The following CDKL3 variants were observed in gnomAD, a reference collection of about 807,000 sequenced individuals.
The protein encoded by CDKL3 is cyclin dependent kinase like 3, also known as cyclin-dependent kinase-like 3.
A neutral mutation model predicts 69.3 loss-of-function variants in CDKL3; 65 were observed. That is an observed-to-expected ratio of 0.94 (90% CI 0.77 to 1.15). The LOEUF (loss-of-function observed/expected upper bound fraction) is 1.15. Among genes scored for constraint, CDKL3 ranks in the 50% most tolerant of loss-of-function variants. CDKL3 has a pLI of 0.00. For missense variants in CDKL3, 652 were observed against 689.2 expected (o/e 0.95, Z 0.61); for synonymous variants, 202 against 221.6 (o/e 0.91, Z 0.79).
At chr5:134,316,647 A>C (rs1321956784) in intron 6 of CDKL3, among the ~76,000 whole-genome samples, 1 of 152,164 alleles carries the variant, frequency 6.6e-6, no homozygotes, top group African/African-American at 2.4e-5. Flanking sequence ...GCGGGGGGAA[A>C]ATCGAAAATA....
upstream of CDKL3, chr5:134,367,195 A>G: frequency 1.0e-6 from 1 of 985,642 alleles, no homozygotes; most frequent in Non-Finnish European, 1.2e-6. Flanking sequence ...AGACCGGAAC[A>G]TGGGCAGGGT....
chr5:134,349,738 C>G lies in CDKL3; in HGVS notation c.539+511G>C, dbSNP rs78460800. On this transcript the variant is annotated intron_variant, in intron 4 of 12. Coordinates refer to ENST00000265334, the MANE Select transcript of CDKL3 (RefSeq NM_001113575.2). ...ATTCAGCCTGTGAGAGCTGAGTGAG[C>G]GTAGCAGTAGCAGTAGCCAGCAATG... Among the ~76,000 whole-genome samples, 541 of 152,212 alleles carry G rather than the reference C, an allele frequency of 3.6e-3. 3 individuals carry two copies. Among genetic ancestry groups the G allele is most frequent in the Non-Finnish European group, 5.3e-3 (363 of 68,012 alleles).
chr5:134,359,447 G>A (rs1191781016), intron 3 of CDKL3, among the ~76,000 whole-genome samples: 1 of 151,930 alleles, frequency 6.6e-6, no homozygotes, highest in African/African-American at 2.4e-5. Context: ...AAACCGCTCC[G>A]CCACTTTATA....
At chr5:134,318,561 C>T (rs1771821795) in intron 6 of CDKL3, among the ~76,000 whole-genome samples, 1 of 152,142 alleles carries the variant, frequency 6.6e-6, no homozygotes, top group Admixed American at 6.6e-5. Flanking sequence ...TTTTGGCTCA[C>T]TGCAACCTCA....
intron 1 of CDKL3, 43 bp downstream of exon 1, chr5:134,366,934 G>T (rs181748893): frequency 5.9e-4 from 580 of 991,198 alleles, no homozygotes; most frequent in Non-Finnish European, 6.5e-4. Context: ...AAAAAAGCCT[G>T]GTCTCGCCCG....
At chr5:134,371,468 C>G, upstream of CDKL3, 1 of 1,196,924 alleles carries the variant, frequency 8.4e-7, no homozygotes, top group Non-Finnish European at 1.2e-6. Context: ...GGTTGTTTGT[C>G]AGTCTCGGCG....
intron 8 of CDKL3, among the ~76,000 whole-genome samples, chr5:134,292,823 C>CA (rs1432521994): frequency 6.6e-6 from 1 of 151,786 alleles, no homozygotes; most frequent in East Asian, 1.9e-4. Context: ...AATTTTATGT[C>CA]AATACAACCA....
At position 134,301,411 on chromosome 5, in the gene CDKL3, T is replaced by C. The variant is rs373281593; in HGVS notation, c.1719+1179A>G. Among the ~76,000 whole-genome samples, 145 of 152,294 alleles carry C rather than the reference T, an allele frequency of 9.5e-4. 1 individual carries two copies. In the South Asian group the frequency reaches 0.029, roughly 30 times the overall value. On this transcript the variant is annotated intron_variant, in intron 12 of 12. Transcript: ENST00000265334. ...CCCTAAATGTCACAGTGAGAATACA[T>C]CTAATAGTGTCTGATAACCCTCTAT...
At position 134,350,656 on chromosome 5, in the gene CDKL3, G is replaced by T. The variant is rs112462848; in HGVS notation, c.361-229C>A. On this transcript the variant is annotated intron_variant, in intron 3 of 12. Coordinates refer to ENST00000265334, the MANE Select transcript of CDKL3 (RefSeq NM_001113575.2). The stretch of plus-strand genomic sequence containing the variant: ...AGAAAACAGACATAATACTAAAAAG[G>T]CAAATAACATTCCTGTAAGAAAAAC... Among the ~76,000 whole-genome samples, 1,393 of 151,468 alleles carry T rather than the reference G, an allele frequency of 9.2e-3. 11 individuals carry two copies. Among genetic ancestry groups the T allele is most frequent in the African/African-American group, 0.03 (1,237 of 41,302 alleles).
At chr5:134,296,126 T>C (rs968078737), downstream of CDKL3, among the ~76,000 whole-genome samples, 1 of 152,080 alleles carries the variant, frequency 6.6e-6, no homozygotes, top group Non-Finnish European at 1.5e-5. Context: ...ATCAATCTCC[T>C]GACCTCGTGA....
intron 4 of CDKL3, among the ~76,000 whole-genome samples, chr5:134,347,544 C>CAGGAT (rs1752215051): frequency 6.6e-6 from 1 of 151,744 alleles, no homozygotes; most frequent in African/African-American, 2.4e-5. Flanking sequence ...GAGCTCTATC[C>CAGGAT]ATTCAGTGGA....
At chr5:134,368,415 G>A (rs1307119960), upstream of CDKL3, among the ~76,000 whole-genome samples, 4 of 152,104 alleles carry the variant, frequency 2.6e-5, no homozygotes, top group Non-Finnish European at 5.9e-5. Flanking sequence ...TCAGGAGATC[G>A]AGACCATCCT....
chr5:134,328,565 T>C (rs1187398481), intron 4 of CDKL3, among the ~76,000 whole-genome samples: 1 of 151,966 alleles, frequency 6.6e-6, no homozygotes, highest in African/African-American at 2.4e-5. Flanking sequence ...AAAATATGTA[T>C]ACTAGGAATA....
chr5:134,338,559 G>C (rs1405635185), intron 4 of CDKL3, among the ~76,000 whole-genome samples: 2 of 151,762 alleles, frequency 1.3e-5, no homozygotes, highest in Non-Finnish European at 2.9e-5. Flanking sequence ...AGCCAGGCTT[G>C]GTGGCACACA....
At chr5:134,293,002 C>CTTTTTTTTTTTTTTTTT (rs558156596) in intron 8 of CDKL3, among the ~76,000 whole-genome samples, 1 of 43,896 alleles carries the variant, frequency 2.3e-5, no homozygotes, top group Non-Finnish European at 4.4e-5. Context: ...CTGCCAATTT[C>CTTTTTTTTTTTTTTTTT]TTTTTTTTTT....
chr5:134,318,536 A>T (rs1161342031), intron 6 of CDKL3, among the ~76,000 whole-genome samples: 1 of 152,092 alleles, frequency 6.6e-6, no homozygotes, highest in East Asian at 1.9e-4. Context: ...CCCACGCTGG[A>T]GTACAATGGC....
At chr5:134,359,509 C>CT (rs896435823) in intron 3 of CDKL3, among the ~76,000 whole-genome samples, 4 of 151,146 alleles carry the variant, frequency 2.6e-5, no homozygotes, top group South Asian at 2.1e-4. Flanking sequence ...TTCCCCCCGC[C>CT]TTTTTTTTTG....
At chr5:134,361,220 A>C (rs1755922205) in intron 2 of CDKL3, among the ~76,000 whole-genome samples, 1 of 151,926 alleles carries the variant, frequency 6.6e-6, no homozygotes, top group Admixed American at 6.6e-5. Flanking sequence ...TATCAAGAAT[A>C]TGTGTTCAAT....
intron 4 of CDKL3, among the ~76,000 whole-genome samples, chr5:134,336,514 G>A (rs528402134): frequency 2.1e-4 from 32 of 152,288 alleles, no homozygotes; most frequent in Admixed American, 1.8e-3. Context: ...GTTTTGGTGT[G>A]GATGTCCTTT....
Sources: gnomAD v4.1 joint callset for allele counts (sites outside exome capture counted in the v4.1 genomes callset) on GRCh38, gnomAD v4.1.1 for gene constraint, MANE v1.5 for transcripts, NCBI Gene and HGNC (gene_info 2026-07-23, HGNC 2026-07-21) for gene names.